NBPF3: variants seen among roughly 807,000 people sequenced by gnomAD.
The protein encoded by NBPF3 is NBPF member 3.
In NBPF3, 57 loss-of-function variants were observed where a neutral mutation model predicts 78.1. That is an observed-to-expected ratio of 0.73 (90% CI 0.59 to 0.91). The LOEUF is 0.91. Ranked by LOEUF, NBPF3 falls within the 40% of genes least tolerant of loss-of-function variation. NBPF3 has a pLI of 0.00. For missense variants in NBPF3, 510 were observed against 715.3 expected (o/e 0.71, Z 3.27); for synonymous variants, 182 against 271.7 (o/e 0.67, Z 3.25).
chr1:21,468,805 TG>T lies in NBPF3; in HGVS notation c.253del (p.Ala85GlnfsTer16), dbSNP rs769375165. ...LEINKKSRPQ[L>X]AENKQQFRNL... ...ATCAACAAGAAATCGCGCCCCCAGC[TG>T]GCAGAGAACAAACAGCAGTTCAGAA... On this transcript the variant is annotated frameshift_variant, in exon 3 of 15. Transcript: ENST00000318249. LOFTEE classifies it high-confidence loss of function. 1.9e-6 allele frequency: 3 copies of T among 1,614,128 alleles called. No individual in the cohort carries two copies. In the South Asian group the frequency reaches 3.3e-5, roughly 18 times the overall value.
chr1:21,476,472 G>A lies in NBPF3; in HGVS notation c.992+1521G>A, dbSNP rs1340530867. Among the ~76,000 whole-genome samples, 5 of 152,160 alleles carry A rather than the reference G, an allele frequency of 3.3e-5. No individual in the cohort carries two copies. The highest frequency in any genetic ancestry group is 3.3e-4 in the Admixed American group (5 of 15,272). On this transcript the variant is annotated intron_variant, in intron 8 of 14. Transcript: ENST00000318249. The surrounding 1 kb of genome is among the most constrained non-coding windows in gnomAD (Gnocchi z 4.1). ...CAGGAGCTCTTGCAAGGCAGGCCTG[G>A]TGGTGACAAAACCTCTCAGCATTTG...
chr1:21,477,778 C>T (rs1057046830), intron 8 of NBPF3, among the ~76,000 whole-genome samples: 4 of 152,212 alleles, frequency 2.6e-5, no homozygotes, highest in African/African-American at 9.6e-5. Context: ...TGCACTGCCT[C>T]AAGAGCTCTG....
chr1:21,466,295 A>G (rs947461958), intron 2 of NBPF3: 9 of 179,746 alleles, frequency 5.0e-5, no homozygotes, highest in African/African-American at 1.9e-4. Context: ...ATGAGAAATA[A>G]TAAGTATTTT....
intron 2 of NBPF3, chr1:21,453,345 A>G (rs1641418116): frequency 6.6e-6 from 1 of 152,186 alleles, no homozygotes; most frequent in African/African-American, 2.4e-5. Context: ...AGTGGGTCCC[A>G]TAGCATTATT....
chr1:21,478,070 TC>T (rs1642978190), intron 8 of NBPF3, 73 bp from the exon 9 acceptor site: 1 of 1,611,804 alleles, frequency 6.2e-7, no homozygotes, highest in East Asian at 2.2e-5. Context: ...TCCCATCAGA[TC>T]ATCTGGAAGG....
intron 2 of NBPF3, 137 bp from the exon 3 acceptor site, chr1:21,468,551 A>G (rs1332192709): frequency 6.5e-7 from 1 of 1,538,356 alleles, no homozygotes; most frequent in Non-Finnish European, 8.7e-7. Flanking sequence ...AAGGATCCTA[A>G]AGTGCTGCGG....
intron 2 of NBPF3, chr1:21,467,183 G>A: frequency 4.1e-6 from 4 of 985,484 alleles, no homozygotes; most frequent in Non-Finnish European, 4.8e-6. Flanking sequence ...TCCTTACAGT[G>A]TCATTGGAGG....
Position 21,478,195 on chromosome 1 carries a change from A to C in NBPF3, c.1044A>C (p.Glu348Asp). Residue 348 changes from glutamate to aspartate, a missense_variant, in exon 9 of 15, where the codon GAA (glutamate) becomes GAC (aspartate). This residue lies in a region of NBPF3 where 440 missense variants were observed against 478.2 expected (regional missense o/e 0.92). Coordinates refer to ENST00000318249, the MANE Select transcript of NBPF3 (RefSeq NM_032264.6). Reference protein sequence around the residue: ...EEEAPQESWDEGDWTLSIPPD... With the variant: ...EEEAPQESWDDGDWTLSIPPD... ...AAGCCCCCCAGGAGTCCTGGGATGA[A>C]GGTGATTGGACTCTCTCAATTCCTC... The C allele has an allele frequency of 1.2e-6, 2 of 1,614,132 alleles. No individual in the cohort carries two copies. The highest frequency in any genetic ancestry group is 1.7e-6 in the Non-Finnish European group (2 of 1,180,018).
chr1:21,440,558 G>A (rs1438988050), intron 1 of NBPF3, among the ~76,000 whole-genome samples: 1 of 152,212 alleles, frequency 6.6e-6, no homozygotes, highest in Non-Finnish European at 1.5e-5. Context: ...GCTCTCGTGG[G>A]CGCTGGGGAA....
chr1:21,457,833 A>AT lies in NBPF3; in HGVS notation c.134-10852dup, dbSNP rs200276243. ...AGACCAGACTGAGGGGTGGACTGCT[A>AT]TTTCTTGTGGCCCAGTAACGAGATG... On this transcript the variant is annotated intron_variant, in intron 2 of 14. Coordinates refer to ENST00000318249, the MANE Select transcript of NBPF3 (RefSeq NM_032264.6). Among the ~76,000 whole-genome samples the AT allele has an allele frequency of 3.5e-3, 540 of 152,292 alleles. 4 individuals are homozygous for AT. The highest frequency in any genetic ancestry group is 0.012 in the African/African-American group (506 of 41,554).
chr1:21,462,689 C>CT (rs1396241720), intron 2 of NBPF3, among the ~76,000 whole-genome samples: 1 of 152,216 alleles, frequency 6.6e-6, no homozygotes, highest in Non-Finnish European at 1.5e-5. Flanking sequence ...AACTCTGAGA[C>CT]TAATTCCAGC....
chr1:21,449,446 G>A (rs1210416435), intron 2 of NBPF3, among the ~76,000 whole-genome samples: 1 of 140,036 alleles, frequency 7.1e-6, no homozygotes, highest in Non-Finnish European at 1.5e-5. Flanking sequence ...GTGGAGTTAA[G>A]TAACGAACCA....
chr1:21,448,668 C>A (rs1641129842), intron 2 of NBPF3, among the ~76,000 whole-genome samples: 1 of 152,132 alleles, frequency 6.6e-6, no homozygotes, highest in South Asian at 2.1e-4. Context: ...GTCTGGTTTT[C>A]AAGGAGTTTT....
rs1366417046 is a variant in NBPF3, at chr1:21,476,369, GATGGTCTTTACA to G, written c.992+1421_992+1432del. 1.3e-5 allele frequency among the ~76,000 whole-genome samples: 2 copies of G among 152,142 alleles called. No individual in the cohort carries two copies. Among genetic ancestry groups the G allele is most frequent in the Non-Finnish European group, 2.9e-5 (2 of 68,030 alleles). On this transcript the variant is annotated intron_variant, in intron 8 of 14. Transcript: ENST00000318249. The surrounding 1 kb of genome is among the most constrained non-coding windows in gnomAD (Gnocchi z 4.1). Reference sequence around the variant, plus strand: ...GTTGATGCACTTTCTTCCTAGCATTGATGGTCTTTACAATTTGGCACGTTTTTGCAGTGGCTG... The same window carrying G: ...GTTGATGCACTTTCTTCCTAGCATTGATTTGGCACGTTTTTGCAGTGGCTG...
chr1:21,476,521 C>T lies in NBPF3; in HGVS notation c.992+1570C>T, dbSNP rs529955918. 6.6e-6 allele frequency among the ~76,000 whole-genome samples: 1 copy of T among 152,272 alleles called. No homozygotes were observed. Among genetic ancestry groups the T allele is most frequent in the African/African-American group, 2.4e-5 (1 of 41,528 alleles). On this transcript the variant is annotated intron_variant, in intron 8 of 14. Coordinates refer to ENST00000318249, the MANE Select transcript of NBPF3 (RefSeq NM_032264.6). The surrounding 1 kb of genome is among the most constrained non-coding windows in gnomAD (Gnocchi z 4.1). Reference sequence around the variant, plus strand: ...TGCTTGTCTGTAAAGGATTTTATTTCTCCTTCACTTTTGAAGCTTAGTTTC... The same window carrying T: ...TGCTTGTCTGTAAAGGATTTTATTTTTCCTTCACTTTTGAAGCTTAGTTTC...
intron 7 of NBPF3, among the ~76,000 whole-genome samples, chr1:21,474,629 G>A (rs1642792973): frequency 6.6e-6 from 1 of 152,160 alleles, no homozygotes; most frequent in Non-Finnish European, 1.5e-5. Flanking sequence ...GCGACTTTGG[G>A]GGGAAAATTT....
At position 21,468,896 on chromosome 1, in the gene NBPF3, C is replaced by A. The variant is rs545088239; in HGVS notation, c.342C>A (p.Tyr114Ter). 6.2e-7 allele frequency: 1 copy of A among 1,609,864 alleles called. No individual in the cohort carries two copies. The highest frequency in any genetic ancestry group is 1.1e-5 in the South Asian group (1 of 90,938). The change falls in exon 3 of 15, where the codon TAC becomes TAA. Residue 114 changes from tyrosine (Y) to a stop codon, truncating the protein, a stop_gained and splice_region_variant. Transcript: ENST00000318249. LOFTEE classifies it high-confidence loss of function. ...TCCTGGCCAACCGGCAAAATAATTA[C>A]GGTAAGTTCTATAGGCTCACCATCA... is the stretch of plus-strand genomic sequence containing the variant. ...AYFLANRQNN[Y>*]DYEDCKDLIK...
At chr1:21,471,314 C>T (rs773350524) in intron 4 of NBPF3, among the ~76,000 whole-genome samples, 4 of 152,146 alleles carry the variant, frequency 2.6e-5, no homozygotes, top group African/African-American at 7.2e-5. Context: ...GAGGAAGACA[C>T]CTACTTTTGT....
At chr1:21,472,996 T>A in intron 6 of NBPF3, 81 bp downstream of exon 6, 2 of 1,083,556 alleles carry the variant, frequency 1.8e-6, no homozygotes, top group Non-Finnish European at 2.9e-6. Context: ...CTGGCATCTA[T>A]GATGGGCCGA....
Sources: gnomAD v4.1 joint callset for allele counts (sites outside exome capture counted in the v4.1 genomes callset) on GRCh38, gnomAD v4.1.1 for gene constraint, gnomAD v4.1.1 regional missense constraint, Gnocchi (gnomAD v3.1) non-coding constraint, MANE v1.5 for transcripts, NCBI Gene and HGNC (gene_info 2026-07-23, HGNC 2026-07-21) for gene names.